The following INPP4B variants were observed in gnomAD, a reference collection of about 807,000 sequenced individuals.
INPP4B encodes the protein inositol polyphosphate 4-phosphatase type II.
A neutral mutation model predicts 122.5 loss-of-function variants in INPP4B; 55 were observed. The observed-to-expected ratio is 0.45, with a 90% CI of 0.36 to 0.56. INPP4B has a LOEUF of 0.56. Ranked by LOEUF, INPP4B falls within the 20% of genes least tolerant of loss-of-function variation. The pLI, the probability that INPP4B is intolerant of heterozygous loss-of-function variation, is 0.00. For missense variants in INPP4B, 1,000 were observed against 1,097.7 expected, an observed-to-expected ratio of 0.91 and a Z score of 1.26; for synonymous variants, 403 against 388.7, an observed-to-expected ratio of 1.04 and a Z score of -0.43.
chr4:142,712,565 A>C (rs1763245063), intron 2 of INPP4B, among the ~76,000 whole-genome samples: 1 of 152,226 alleles, frequency 6.6e-6, no homozygotes, highest in Non-Finnish European at 1.5e-5. Flanking sequence ...TTTTCCTGGC[A>C]ATAGCCCACC....
chr4:142,811,749 C>T (rs557856139), intron 1 of INPP4B, among the ~76,000 whole-genome samples: 5 of 152,194 alleles, frequency 3.3e-5, no homozygotes, highest in African/African-American at 1.2e-4. Context: ...GACCATCTGG[C>T]AATTAATATT....
intron 9 of INPP4B, among the ~76,000 whole-genome samples, chr4:142,273,851 G>T (rs1317522203): frequency 6.6e-6 from 1 of 151,792 alleles, no homozygotes; most frequent in Non-Finnish European, 1.5e-5. Context: ...GTAAATCCAG[G>T]TTATAAACTA....
Position 142,082,048 on chromosome 4 carries a change from C to A in INPP4B, c.2625G>T (p.Ala875=). The A allele has an allele frequency of 6.8e-7, 1 of 1,463,308 alleles. No individual in the cohort carries two copies. The highest frequency in any genetic ancestry group is 9.2e-7 in the Non-Finnish European group (1 of 1,083,020). 90.6% of individuals were successfully genotyped at this position (1,463,308 alleles called of 1,614,324 possible). The change falls in exon 25 of 26, where the codon GCG becomes GCT. Residue 875 remains alanine (A), a synonymous_variant. Coordinates refer to ENST00000262992, the MANE Select transcript of INPP4B (RefSeq NM_001101669.3). ...TGAGATACCTTCTCATGCAATCCAG[C>A]GCTCGGATAAAGAAGTCCTTGTGTA... ...HQLHKDFFIR[A]LDCMRREGCR...
At chr4:142,814,563 A>G (rs1433248974) in intron 1 of INPP4B, among the ~76,000 whole-genome samples, 3 of 152,130 alleles carry the variant, frequency 2.0e-5, no homozygotes, top group Non-Finnish European at 4.4e-5. Context: ...TTGTTATTGT[A>G]TGAAGAGGGA....
intron 25 of INPP4B, among the ~76,000 whole-genome samples, chr4:142,064,146 A>T (rs1487363536): frequency 6.6e-6 from 1 of 152,192 alleles, no homozygotes; most frequent in Non-Finnish European, 1.5e-5. Context: ...TTGCTACAAC[A>T]TTGTTGTACA....
chr4:142,386,948 T>C (rs1292571716), intron 7 of INPP4B, among the ~76,000 whole-genome samples: 1 of 152,158 alleles, frequency 6.6e-6, no homozygotes, highest in African/African-American at 2.4e-5. Flanking sequence ...TCAGAGCAGC[T>C]GGGGATCGTG....
At chr4:142,286,590 A>G (rs1753819580) in intron 9 of INPP4B, among the ~76,000 whole-genome samples, 1 of 152,082 alleles carries the variant, frequency 6.6e-6, no homozygotes, top group African/African-American at 2.4e-5. Flanking sequence ...ATTTCTTAGA[A>G]CTCTTTGTAT....
At chr4:142,730,852 T>C (rs962501369) in intron 1 of INPP4B, among the ~76,000 whole-genome samples, 3 of 152,218 alleles carry the variant, frequency 2.0e-5, no homozygotes, top group Admixed American at 2.0e-4. Flanking sequence ...CTATTAAATA[T>C]CTATTAATGT....
intron 1 of INPP4B, among the ~76,000 whole-genome samples, chr4:142,822,892 C>T (rs1413548205): frequency 3.9e-5 from 6 of 152,132 alleles, no homozygotes; most frequent in Non-Finnish European, 8.8e-5. Flanking sequence ...TTCCTGTCTT[C>T]TTACAAAGGT....
At chr4:142,194,198 C>G (rs1837215890) in intron 14 of INPP4B, among the ~76,000 whole-genome samples, 2 of 152,066 alleles carry the variant, frequency 1.3e-5, no homozygotes, top group South Asian at 4.2e-4. Context: ...CAGCAGCATT[C>G]AGAAAATGCA....
intron 2 of INPP4B, among the ~76,000 whole-genome samples, chr4:142,553,905 G>T (rs1728531925): frequency 6.6e-6 from 1 of 152,138 alleles, no homozygotes; most frequent in African/African-American, 2.4e-5. Context: ...TAAACAGCCA[G>T]GTTGGCTGGG....
At chr4:142,837,581 A>T (rs188151739) in intron 1 of INPP4B, among the ~76,000 whole-genome samples, 3 of 152,266 alleles carry the variant, frequency 2.0e-5, no homozygotes, top group Admixed American at 2.0e-4. Flanking sequence ...TTGCATGGTA[A>T]ATTGTCTATA....
At chr4:142,700,765 T>C (rs1156519717) in intron 2 of INPP4B, among the ~76,000 whole-genome samples, 1 of 152,184 alleles carries the variant, frequency 6.6e-6, no homozygotes, top group African/African-American at 2.4e-5. Flanking sequence ...TGTGAAATTA[T>C]GTGTGGTTTT....
At chr4:142,103,201 A>G (rs1412703063) in intron 23 of INPP4B, among the ~76,000 whole-genome samples, 2 of 151,812 alleles carry the variant, frequency 1.3e-5, no homozygotes, top group Non-Finnish European at 2.9e-5. Context: ...ATTTTTGCTC[A>G]TTTTCACGTG....
At chr4:142,684,796 T>C (rs1342031832) in intron 2 of INPP4B, among the ~76,000 whole-genome samples, 2 of 151,976 alleles carry the variant, frequency 1.3e-5, no homozygotes, top group African/African-American at 4.8e-5. Context: ...TTGGTCACAT[T>C]ATTCTTATAC....
At chr4:142,591,031 C>T (rs1737375483) in intron 2 of INPP4B, among the ~76,000 whole-genome samples, 1 of 151,978 alleles carries the variant, frequency 6.6e-6, no homozygotes, top group African/African-American at 2.4e-5. Flanking sequence ...GAAAAAAACT[C>T]AGGCCAGGCC....
At position 142,487,080 on chromosome 4, in the gene INPP4B, C is replaced by T. The variant is rs1188872786; in HGVS notation, c.-190-24354G>A. The stretch of plus-strand genomic sequence containing the variant: ...GGGGGTGGGTCTTTCCTGTGATATT[C>T]TCATGATAGTGAATAAGTCTCATGA... On this transcript the variant is annotated intron_variant, in intron 2 of 25. Coordinates refer to ENST00000262992, the MANE Select transcript of INPP4B (RefSeq NM_001101669.3). Among the ~76,000 whole-genome samples, 3 of 152,112 alleles carry T rather than the reference C, an allele frequency of 2.0e-5. No homozygotes were observed. In the East Asian group the frequency reaches 5.8e-4, roughly 29 times the overall value.
chr4:142,427,418 G>T, intron 5 of INPP4B: 1 of 587,350 alleles, frequency 1.7e-6, no homozygotes, highest in South Asian at 2.4e-5. Flanking sequence ...TTTTATACTG[G>T]TAGAACATTA....
At chr4:142,115,708 G>T (rs9998887) in intron 21 of INPP4B, among the ~76,000 whole-genome samples, 19,100 of 152,028 alleles carry the variant, frequency 0.13, 1,369 homozygotes, top group East Asian at 0.24. Flanking sequence ...TGCAAAAACA[G>T]TGCAAATTAT....
Sources: gnomAD v4.1 joint callset for allele counts (sites outside exome capture counted in the v4.1 genomes callset) on GRCh38, gnomAD v4.1.1 for gene constraint, MANE v1.5 for transcripts, NCBI Gene and HGNC (gene_info 2026-07-23, HGNC 2026-07-21) for gene names.